The following MAGI1 variants were observed in gnomAD, a reference collection of about 807,000 sequenced individuals.
MAGI1 encodes the protein membrane associated guanylate kinase, WW and PDZ domain containing 1.
Under a neutral mutation model 139.9 loss-of-function variants are expected in MAGI1, and 58 were observed. The observed-to-expected ratio is 0.41, with a 90% confidence interval of 0.34 to 0.52. The LOEUF is 0.52. Among genes scored for constraint, MAGI1 ranks in the 20% least tolerant of loss-of-function variants. The pLI is 0.12. For synonymous variants in MAGI1, 812 were observed against 737.9 expected (o/e 1.10, Z -1.63); for missense variants, 1,874 against 1,901.6 (o/e 0.99, Z 0.27).
chr3:65,386,916 A>G (rs1433071958), intron 14 of MAGI1, among the ~76,000 whole-genome samples: 1 of 152,220 alleles, frequency 6.6e-6, no homozygotes, highest in Non-Finnish European at 1.5e-5. Flanking sequence ...CTCCATTACT[A>G]CAGACAAACT....
chr3:65,611,455 T>A (rs1027900066), intron 2 of MAGI1, among the ~76,000 whole-genome samples: 2 of 145,158 alleles, frequency 1.4e-5, no homozygotes, highest in Non-Finnish European at 3.0e-5. Context: ...AGTATACTGT[T>A]TATACTGTAT....
At chr3:65,441,617 A>T (rs1006761675) in intron 8 of MAGI1, among the ~76,000 whole-genome samples, 1 of 152,206 alleles carries the variant, frequency 6.6e-6, no homozygotes, top group Non-Finnish European at 1.5e-5. Flanking sequence ...TAGTTGAGGG[A>T]CAATTCAAAA....
chr3:65,605,786 A>G (rs1042992816), intron 2 of MAGI1, among the ~76,000 whole-genome samples: 15 of 152,222 alleles, frequency 9.9e-5, no homozygotes. Context: ...TTACTTATAT[A>G]GGAAACATAT....
intron 1 of MAGI1, chr3:65,718,604 GC>G (rs2032578058): frequency 6.6e-6 from 1 of 152,114 alleles, no homozygotes; most frequent in Admixed American, 6.5e-5. Flanking sequence ...GGTATAAACA[GC>G]CGAAGTAGCC....
intron 2 of MAGI1, among the ~76,000 whole-genome samples, chr3:65,616,427 A>T (rs1576490566): frequency 1.3e-5 from 2 of 152,332 alleles, no homozygotes; most frequent in East Asian, 3.9e-4. Context: ...AAGCGTTCAG[A>T]TCCTTAAGAG....
intron 1 of MAGI1, among the ~76,000 whole-genome samples, chr3:65,946,804 A>C (rs1163378226): frequency 1.3e-5 from 2 of 152,244 alleles, no homozygotes; most frequent in Non-Finnish European, 2.9e-5. Context: ...AATGTTAAAT[A>C]TTAAAAATGC....
At chr3:65,616,211 GAGA>G (rs10548152) in intron 2 of MAGI1, among the ~76,000 whole-genome samples, 81,927 of 151,598 alleles carry the variant, frequency 0.54, 22,917 homozygotes, top group African/African-American at 0.66. Context: ...CGTTTCAATG[GAGA>G]AGGACAGGTG....
At chr3:65,366,843 G>A (rs1941463320) in intron 18 of MAGI1, among the ~76,000 whole-genome samples, 1 of 152,098 alleles carries the variant, frequency 6.6e-6, no homozygotes, top group South Asian at 2.1e-4. Context: ...CATATTGTTC[G>A]TATATTTTAA....
chr3:65,409,638 T>C (rs1298415197), intron 12 of MAGI1, among the ~76,000 whole-genome samples: 1 of 151,872 alleles, frequency 6.6e-6, no homozygotes, highest in Non-Finnish European at 1.5e-5. Flanking sequence ...GTTTCATTTT[T>C]TTTTTCTCCT....
chr3:65,982,238 G>T (rs770753184), intron 1 of MAGI1, among the ~76,000 whole-genome samples: 1 of 152,204 alleles, frequency 6.6e-6, no homozygotes, highest in Admixed American at 6.5e-5. Flanking sequence ...TAGGAAGAAG[G>T]CTTCCATGAT....
At chr3:65,806,577 G>A (rs931164469) in intron 1 of MAGI1, among the ~76,000 whole-genome samples, 5 of 152,142 alleles carry the variant, frequency 3.3e-5, no homozygotes, top group East Asian at 3.8e-4. Context: ...ACATAACTGC[G>A]TTGGAATCTC....
chr3:65,756,936 C>T (rs1357313747), intron 1 of MAGI1, among the ~76,000 whole-genome samples: 1 of 152,138 alleles, frequency 6.6e-6, no homozygotes, highest in African/African-American at 2.4e-5. Context: ...ACACGGAATG[C>T]CAAATTTGAA....
At chr3:65,504,162 T>G (rs888779181) in intron 2 of MAGI1, among the ~76,000 whole-genome samples, 1 of 152,216 alleles carries the variant, frequency 6.6e-6, no homozygotes, top group African/African-American at 2.4e-5. Context: ...TGTGACTACC[T>G]TGGAACATTC....
intron 1 of MAGI1, among the ~76,000 whole-genome samples, chr3:65,951,463 G>C (rs557900756): frequency 6.6e-6 from 1 of 152,250 alleles, no homozygotes; most frequent in East Asian, 1.9e-4. Flanking sequence ...GCATCGAAAT[G>C]GAGATATACT....
At chr3:65,498,647 C>T (rs1439673034) in intron 2 of MAGI1, among the ~76,000 whole-genome samples, 1 of 152,146 alleles carries the variant, frequency 6.6e-6, no homozygotes, top group Non-Finnish European at 1.5e-5. Context: ...GGTCACATAA[C>T]AAGTTGGGCA....
intron 2 of MAGI1, among the ~76,000 whole-genome samples, chr3:65,554,928 G>A (rs947038076): frequency 6.6e-6 from 1 of 152,188 alleles, no homozygotes; most frequent in Non-Finnish European, 1.5e-5. Context: ...ATTAGTGGAG[G>A]GGAAAATGGT....
chr3:65,658,705 CCT>C (rs1044700076), intron 1 of MAGI1, among the ~76,000 whole-genome samples: 2 of 151,894 alleles, frequency 1.3e-5, no homozygotes, highest in Non-Finnish European at 2.9e-5. Flanking sequence ...AAGTTCTCTC[CCT>C]CTCTCTCTCT....
At chr3:65,811,730 A>G (rs1226399223) in intron 1 of MAGI1, among the ~76,000 whole-genome samples, 1 of 151,910 alleles carries the variant, frequency 6.6e-6, no homozygotes, top group Non-Finnish European at 1.5e-5. Context: ...CAAGACAGAG[A>G]GGTAAACTGA....
chr3:65,918,413 G>A (rs183072000), intron 1 of MAGI1, among the ~76,000 whole-genome samples: 6 of 128,588 alleles, frequency 4.7e-5, no homozygotes, highest in Admixed American at 1.9e-4. Context: ...ACGGAGTCTC[G>A]CTCTGTCACC....
Sources: gnomAD v4.1 joint callset for allele counts (sites outside exome capture counted in the v4.1 genomes callset) on GRCh38, gnomAD v4.1.1 for gene constraint, MANE v1.5 for transcripts, NCBI Gene and HGNC (gene_info 2026-07-23, HGNC 2026-07-21) for gene names.